The following PHACTR2 variants were observed in gnomAD, a reference collection of about 807,000 sequenced individuals.
The protein encoded by PHACTR2 is chromosome 6 open reading frame 56.
Under a neutral mutation model 76.0 loss-of-function variants are expected in PHACTR2, and 30 were observed. The observed-to-expected ratio is 0.39, with a 90% confidence interval of 0.30 to 0.54. The LOEUF is 0.54. Among genes scored for constraint, PHACTR2 ranks in the 20% least tolerant of loss-of-function variants. The pLI, the probability that PHACTR2 is intolerant of heterozygous loss-of-function variation, is 0.61. For missense variants in PHACTR2, 696 were observed against 781.1 expected (o/e 0.89, Z 1.30); for synonymous variants, 292 against 292.5 (o/e 1.00, Z 0.02).
intron 2 of PHACTR2, among the ~76,000 whole-genome samples, chr6:143,712,600 A>G (rs1413108857): frequency 2.0e-5 from 3 of 151,898 alleles, no homozygotes; most frequent in Non-Finnish European, 4.4e-5. Context: ...TAACTAGTAG[A>G]CTATACTGCT....
Position 143,639,414 on chromosome 6 carries a change from T to C in PHACTR2, c.13+31092T>C, listed in dbSNP as rs1776526257. 6.6e-6 allele frequency among the ~76,000 whole-genome samples: 1 copy of C among 152,252 alleles called. No individual in the cohort carries two copies. Among genetic ancestry groups the C allele is most frequent in the South Asian group, 2.1e-4 (1 of 4,832 alleles). The stretch of plus-strand genomic sequence containing the variant: ...TCAAAAATTACTAAGTGAAAGCATA[T>C]TCAGAGCCATTTTATAAGTGACACA... On this transcript the variant is annotated intron_variant, in intron 1 of 11. Coordinates refer to the PHACTR2 transcript ENST00000305766. The surrounding 1 kb of genome is among the most constrained non-coding windows in gnomAD (Gnocchi z 5.0).
At chr6:143,607,443 T>A (rs1004424884), upstream of PHACTR2, among the ~76,000 whole-genome samples, 4 of 152,232 alleles carry the variant, frequency 2.6e-5, no homozygotes, top group Admixed American at 2.6e-4. Flanking sequence ...AGAAGTGAAG[T>A]AGGGCCTTCC....
chr6:143,790,186 G>A (rs1775647908), intron 11 of PHACTR2, among the ~76,000 whole-genome samples: 1 of 152,196 alleles, frequency 6.6e-6, no homozygotes, highest in African/African-American at 2.4e-5. Flanking sequence ...GTTGTTCAAC[G>A]TATGGCTGGT....
intron 12 of PHACTR2, among the ~76,000 whole-genome samples, chr6:143,814,633 C>T (rs965841647): frequency 1.4e-5 from 2 of 142,726 alleles, no homozygotes; most frequent in African/African-American, 2.6e-5. Flanking sequence ...GACGGAGTCT[C>T]GCTCTGTCGC....
rs1246092199 is a variant in PHACTR2, at chr6:143,750,224, A to G, written c.295+1159A>G. On this transcript the variant is annotated intron_variant, in intron 3 of 12. Transcript: ENST00000440869. The surrounding 1 kb of genome is among the most constrained non-coding windows in gnomAD (Gnocchi z 4.6). ...TTTAGGTATTTTACTTCAATTTCTG[A>G]CCTGTCAAACTTTTCTTACTCTACT... Among the ~76,000 whole-genome samples, 1 of 152,136 alleles carries G rather than the reference A, an allele frequency of 6.6e-6. No homozygotes were observed. The highest frequency in any genetic ancestry group is 6.6e-5 in the Admixed American group (1 of 15,264).
rs551612054 is a variant in PHACTR2, at chr6:143,579,308, A to G, written c.217+42101A>G. 2.6e-5 allele frequency among the ~76,000 whole-genome samples: 4 copies of G among 152,252 alleles called. No individual in the cohort carries two copies. In the East Asian group the frequency reaches 7.7e-4, roughly 29 times the overall value. On this transcript the variant is annotated intron_variant, in intron 1 of 11. Coordinates refer to the PHACTR2 transcript ENST00000367584. The stretch of plus-strand genomic sequence containing the variant: ...GAAAGTGTGGGGGAAATAAAATACT[A>G]TTTTTATTGTCAAAAAATTTGCATA...
intron 9 of PHACTR2, among the ~76,000 whole-genome samples, chr6:143,781,205 TG>T (rs1422392959): frequency 6.6e-6 from 1 of 152,218 alleles, no homozygotes; most frequent in Non-Finnish European, 1.5e-5. Context: ...AGTACAATTT[TG>T]AACATGGAAA....
At chr6:143,563,742 T>C (rs1313186239) in intron 1 of PHACTR2, among the ~76,000 whole-genome samples, 1 of 151,738 alleles carries the variant, frequency 6.6e-6, no homozygotes, top group Non-Finnish European at 1.5e-5. Context: ...ATGCCTGTAA[T>C]CCCAGCACTT....
chr6:143,817,187 T>C (rs1341157151), intron 12 of PHACTR2, among the ~76,000 whole-genome samples: 1 of 150,530 alleles, frequency 6.6e-6, no homozygotes, highest in Non-Finnish European at 1.5e-5. Context: ...AGAGAAAACA[T>C]CAGGTTTCCT....
At position 143,795,278 on chromosome 6, in the gene PHACTR2, G is replaced by A. The variant is rs1325198716; in HGVS notation, c.1845+6368G>A. 6.6e-6 allele frequency among the ~76,000 whole-genome samples: 1 copy of A among 152,148 alleles called. No individual in the cohort carries two copies. Among genetic ancestry groups the A allele is most frequent in the Admixed American group, 6.5e-5 (1 of 15,272 alleles). ...AAACTAAAAAAATTAGCCAGGTGTG[G>A]TGGCACACCCATGTATTCCTACCTA... On this transcript the variant is annotated intron_variant, in intron 11 of 12. Coordinates refer to ENST00000440869, the MANE Select transcript of PHACTR2 (RefSeq NM_001100164.2). The surrounding 1 kb of genome is among the most constrained non-coding windows in gnomAD (Gnocchi z 4.8).
chr6:143,693,100 A>T (rs1161697525), intron 1 of PHACTR2, among the ~76,000 whole-genome samples: 1 of 151,880 alleles, frequency 6.6e-6, no homozygotes. Context: ...ATATGACCTC[A>T]TTTTACCTTA....
intron 1 of PHACTR2, among the ~76,000 whole-genome samples, chr6:143,694,130 G>A (rs1453536932): frequency 7.8e-5 from 7 of 89,492 alleles, no homozygotes. Flanking sequence ...AGGAAAGAAG[G>A]AAGGAAGGAA....
At chr6:143,771,172 A>ATG (rs1397912018) in intron 6 of PHACTR2, among the ~76,000 whole-genome samples, 11 of 22,166 alleles carry the variant, frequency 5.0e-4, no homozygotes, top group African/African-American at 1.9e-3. Context: ...ATATATATAT[A>ATG]TGTATATATA....
At chr6:143,756,539 CA>C (rs1225711052) in intron 4 of PHACTR2, among the ~76,000 whole-genome samples, 12 of 147,490 alleles carry the variant, frequency 8.1e-5, no homozygotes, top group Admixed American at 1.3e-4. Flanking sequence ...ACTAAAAATA[CA>C]AAAAAAAAAT....
chr6:143,543,149 C>T lies in PHACTR2; in HGVS notation c.217+5942C>T, dbSNP rs1379517615. ...GCCTTGCATCATGCTCAGTAAATAA[C>T]ATGATGATGATGATGACTGTTCTTG... On this transcript the variant is annotated intron_variant, in intron 1 of 11. Transcript: ENST00000367584. This position sits in a 1 kb window ranked among gnomAD's most constrained non-coding sequence, Gnocchi z 4.7. Among the ~76,000 whole-genome samples the T allele has an allele frequency of 1.3e-5, 2 of 152,110 alleles. No individual in the cohort carries two copies. Among genetic ancestry groups the T allele is most frequent in the Non-Finnish European group, 2.9e-5 (2 of 68,022 alleles).
intron 1 of PHACTR2, among the ~76,000 whole-genome samples, chr6:143,622,981 A>G (rs1244924874): frequency 6.6e-6 from 1 of 152,204 alleles, no homozygotes; most frequent in Non-Finnish European, 1.5e-5. Context: ...GCCAGCCTTC[A>G]CCTAAAGAAG....
Position 143,826,925 on chromosome 6 carries a change from CATA to C in PHACTR2, c.*3239_*3241del, listed in dbSNP as rs1246673688. On this transcript the variant is annotated 3_prime_UTR_variant, in exon 13 of 13. Transcript: ENST00000440869. ...GTTTCATCTTCATATTGTTTAGTAG[CATA>C]ATGAGAGTAGTCCTTTATCTTTCTC... The C allele has an allele frequency of 6.6e-6, 1 of 151,652 alleles. No individual in the cohort carries two copies. The highest frequency in any genetic ancestry group is 1.5e-5 in the Non-Finnish European group (1 of 67,940). The allele number at this position is 151,652 out of a possible 1,614,324, so 9.4% of individuals were successfully genotyped here.
chr6:143,693,530 G>A (rs1053990013), intron 1 of PHACTR2, among the ~76,000 whole-genome samples: 16 of 152,158 alleles, frequency 1.1e-4, no homozygotes, highest in African/African-American at 3.6e-4. Flanking sequence ...GAGCCACCGT[G>A]CCCAGCCCCT....
At position 143,750,279 on chromosome 6, in the gene PHACTR2, TTTC is replaced by T. The variant is rs1779155598; in HGVS notation, c.295+1216_295+1218del. ...GAATGAATTTTATGTTTTCCCTGTTTTTCTATTATTTTGAAGCTATTTATTTCC... is the reference window on the plus strand; with the variant it reads ...GAATGAATTTTATGTTTTCCCTGTTTTATTATTTTGAAGCTATTTATTTCC... On this transcript the variant is annotated intron_variant, in intron 3 of 12. Coordinates refer to ENST00000440869, the MANE Select transcript of PHACTR2 (RefSeq NM_001100164.2). This position sits in a 1 kb window ranked among gnomAD's most constrained non-coding sequence, Gnocchi z 4.6. Among the ~76,000 whole-genome samples, 1 of 152,212 alleles carries T rather than the reference TTTC, an allele frequency of 6.6e-6. No homozygotes were observed. The highest frequency in any genetic ancestry group is 2.1e-4 in the South Asian group (1 of 4,834).
Sources: gnomAD v4.1 joint callset for allele counts (sites outside exome capture counted in the v4.1 genomes callset) on GRCh38, gnomAD v4.1.1 for gene constraint, Gnocchi (gnomAD v3.1) non-coding constraint, MANE v1.5 for transcripts, NCBI Gene and HGNC (gene_info 2026-07-23, HGNC 2026-07-21) for gene names.